FREM1: variants seen among roughly 807,000 people sequenced by gnomAD.
FREM1 encodes FRAS1-related extracellular matrix protein 1.
A neutral mutation model predicts 210.1 loss-of-function variants in FREM1; 220 were observed. That is an observed-to-expected ratio of 1.05 (90% CI 0.94 to 1.17). FREM1 has a LOEUF of 1.17. Ranked by LOEUF, FREM1 falls within the 50% of genes most tolerant of loss-of-function variation. The pLI is 0.00. For missense variants in FREM1, 3,454 were observed against 2,675.5 expected (o/e 1.29, Z -6.42); for synonymous variants, 1,189 against 980.2 (o/e 1.21, Z -3.98).
Position 14,857,448 on chromosome 9 carries a change from A to G in FREM1, c.828+105T>C, listed in dbSNP as rs1294416415. 1.0e-5 allele frequency: 10 copies of G among 995,108 alleles called. No individual in the cohort carries two copies. The East Asian group carries it at 2.1e-4, about 21-fold the overall frequency. 61.6% of individuals were successfully genotyped at this position (995,108 alleles called of 1,614,324 possible). On this transcript the variant is annotated intron_variant, in intron 5 of 36. Coordinates refer to ENST00000380880, the MANE Select transcript of FREM1 (RefSeq NM_001379081.2). The stretch of plus-strand genomic sequence containing the variant: ...AGTCGCTGGCAGTTTTACCCCCAAA[A>G]GCACAGGAACTCTCCCTGGCATGGG...
chr9:14,903,350 G>C (rs902545872), intron 1 of FREM1, among the ~76,000 whole-genome samples: 2 of 152,174 alleles, frequency 1.3e-5, no homozygotes, highest in African/African-American at 2.4e-5. Context: ...AAAGCAAAAG[G>C]CATGTGTCTA....
chr9:14,748,244 A>T (rs1232636736), intron 31 of FREM1, among the ~76,000 whole-genome samples, 157 bp downstream of exon 31: 1 of 152,240 alleles, frequency 6.6e-6, no homozygotes, highest in Non-Finnish European at 1.5e-5. Context: ...AGATCTTTGT[A>T]TACAGAAGGC....
At chr9:14,881,112 G>A (rs1047729446) in intron 1 of FREM1, among the ~76,000 whole-genome samples, 3 of 152,206 alleles carry the variant, frequency 2.0e-5, no homozygotes, top group Admixed American at 6.5e-5. Flanking sequence ...GCAGAGGCAG[G>A]CATATGTATG....
intron 2 of FREM1, among the ~76,000 whole-genome samples, chr9:14,865,790 A>G (rs1831411579): frequency 1.3e-5 from 2 of 152,166 alleles, no homozygotes; most frequent in African/African-American, 4.8e-5. Context: ...AAAACCAAGC[A>G]CAAATTCAAC....
rs113555227 is a variant in FREM1 at position 14,801,861 on chromosome 9, T to C, written c.3485A>G (p.Gln1162Arg). 3.1e-4 allele frequency: 506 copies of C among 1,612,388 alleles called. 2 individuals carry two copies. In the African/African-American group the frequency reaches 5.4e-3, roughly 17 times the overall value. The change falls in exon 20 of 37, where the codon CAG becomes CGG. Residue 1162 changes from glutamine (Q) to arginine (R), a missense_variant. Transcript: ENST00000380880. ...VVQNITVCEG[Q>R]MKELDSSIIS... The stretch of plus-strand genomic sequence containing the variant: ...GATGGAAGAGTCCAGCTCTTTCATC[T>C]GACCCTCACACACCTGAGCAAGAAC...
chr9:14,857,669 C>G lies in FREM1; in HGVS notation c.712G>C (p.Glu238Gln). The G allele has an allele frequency of 6.2e-7, 1 of 1,613,834 alleles. No homozygotes were observed. The highest frequency in any genetic ancestry group is 8.5e-7 in the Non-Finnish European group (1 of 1,179,786). The change falls in exon 5 of 37, where the codon GAG (glutamate) becomes CAG (glutamine). Residue 238 changes from glutamate to glutamine, a missense_variant. By Grantham distance (29) the Glu-to-Gln change is conservative. Coordinates refer to ENST00000380880, the MANE Select transcript of FREM1 (RefSeq NM_001379081.2). ...KKIGSLKVSC[E>Q]EFLLMGLRYQ... The stretch of plus-strand genomic sequence containing the variant: ...CGAAGGCCCATCAGCAGGAACTCCT[C>G]ACAGCTCACTTTGAGGCTTCCTATT...
chr9:14,816,874 G>A lies in FREM1; in HGVS notation c.2547-3C>T, dbSNP rs1287779911. ...CTTCAGTTCCATCATGTTGATACCT[G>A]TGGGGATAATATTTGTCACCAACCT... On this transcript the variant is annotated splice_region_variant and splice_polypyrimidine_tract_variant and intron_variant, in intron 14 of 36. Coordinates refer to ENST00000380880, the MANE Select transcript of FREM1 (RefSeq NM_001379081.2). The A allele has an allele frequency of 7.9e-7, 1 of 1,260,772 alleles. No individual in the cohort carries two copies. Among genetic ancestry groups the A allele is most frequent in the Non-Finnish European group, 1.1e-6 (1 of 924,472 alleles). 78.1% of individuals were successfully genotyped at this position (1,260,772 alleles called of 1,614,324 possible).
In FREM1 at chr9:14,742,379, C is replaced by A. The variant is rs186596879; in HGVS notation, c.6255-2145G>T. Among the ~76,000 whole-genome samples, 9 of 152,140 alleles carry A rather than the reference C, an allele frequency of 5.9e-5. No homozygotes were observed. The East Asian group carries it at 1.7e-3, about 29-fold the overall frequency. On this transcript the variant is annotated intron_variant, in intron 35 of 36. Transcript: ENST00000380880. ...ATAATGCTCTATAATAATATAATTA[C>A]CAAATGTACAATGACTGCCTGAGGA... is the stretch of plus-strand genomic sequence containing the variant.
chr9:14,805,004 G>A lies in FREM1; in HGVS notation c.3423C>T (p.Ile1141=). 3 of 1,613,686 alleles carry A rather than the reference G, an allele frequency of 1.9e-6. No individual in the cohort carries two copies. The highest frequency in any genetic ancestry group is 2.5e-6 in the Non-Finnish European group (3 of 1,179,612). ...HSLEIPFSII[I]NPTNDEAPDF... ...CAGGAGCTTCATCATTTGTGGGGTT[G>A]ATTATAATAGAAAATGGTATCTCCA... Residue 1141 remains isoleucine (I), a synonymous_variant, in exon 19 of 37, where the codon ATC becomes ATT. Coordinates refer to ENST00000380880, the MANE Select transcript of FREM1 (RefSeq NM_001379081.2).
At position 14,805,069 on chromosome 9, in the gene FREM1, G is replaced by C. The variant is rs1818108814; in HGVS notation, c.3358C>G (p.Gln1120Glu). The stretch of plus-strand genomic sequence containing the variant: ...CCATCTGTGACGTACACCGTGAACT[G>C]GTCGGCAGTTGGTTCTATCCTCAGA... Reference protein sequence around the residue: ...RHLRIEPTADQFTVYVTDGKH... With the variant: ...RHLRIEPTADEFTVYVTDGKH... Residue 1120 changes from glutamine to glutamate, a missense_variant, in exon 19 of 37, where the codon CAG (glutamine) becomes GAG (glutamate). Transcript: ENST00000380880. 1 of 1,612,694 alleles carries C rather than the reference G, an allele frequency of 6.2e-7. No individual in the cohort carries two copies. Among genetic ancestry groups the C allele is most frequent in the Admixed American group, 1.7e-5 (1 of 60,008 alleles).
At chr9:14,757,597 G>C (rs1390422200) in intron 28 of FREM1, among the ~76,000 whole-genome samples, 2 of 152,134 alleles carry the variant, frequency 1.3e-5, no homozygotes, top group Admixed American at 1.3e-4. Context: ...TGAAAAATAA[G>C]TCATCAAATG....
intron 20 of FREM1, among the ~76,000 whole-genome samples, chr9:14,801,236 G>A (rs1817229790): frequency 6.6e-6 from 1 of 152,170 alleles, no homozygotes. Flanking sequence ...GACCTCAAGT[G>A]ATCCACCTGT....
chr9:14,770,529 A>T, intron 26 of FREM1, 76 bp downstream of exon 26: 2 of 1,113,082 alleles, frequency 1.8e-6, no homozygotes, highest in Non-Finnish European at 2.7e-6. Flanking sequence ...GCCTGCACTT[A>T]ATTAAATTAC....
intron 10 of FREM1, among the ~76,000 whole-genome samples, chr9:14,840,488 C>A (rs1825481465): frequency 6.6e-6 from 1 of 152,104 alleles, no homozygotes; most frequent in African/African-American, 2.4e-5. Flanking sequence ...TGGCAGCAGG[C>A]AGAGAGAGAG....
chr9:14,793,741 G>T (rs770298697), intron 21 of FREM1, among the ~76,000 whole-genome samples: 2 of 152,210 alleles, frequency 1.3e-5, no homozygotes, highest in African/African-American at 4.8e-5. Flanking sequence ...TTGGGATTCA[G>T]ATGAAGGATA....
chr9:14,860,484 T>C (rs1204188808), intron 3 of FREM1, among the ~76,000 whole-genome samples: 4 of 151,390 alleles, frequency 2.6e-5, no homozygotes, highest in Non-Finnish European at 5.9e-5. Flanking sequence ...GCTTTTTTTC[T>C]TTTTTAAATT....
At chr9:14,861,128 C>CAT (rs201055114) in intron 3 of FREM1, among the ~76,000 whole-genome samples, 1,799 of 103,070 alleles carry the variant, frequency 0.017, 148 homozygotes, top group African/African-American at 0.086. Context: ...TACATATATA[C>CAT]ACATATATAC....
At chr9:14,751,518 G>A (rs1563832654) in intron 29 of FREM1, among the ~76,000 whole-genome samples, 1 of 152,092 alleles carries the variant, frequency 6.6e-6, no homozygotes, top group Non-Finnish European at 1.5e-5. Context: ...AAATTAGGTG[G>A]GCGTGGTGGC....
chr9:14,748,337 A>T, intron 31 of FREM1, 64 bp downstream of exon 31: 1 of 905,774 alleles, frequency 1.1e-6, no homozygotes, highest in South Asian at 1.7e-5. Flanking sequence ...AATACTTATT[A>T]ATATCTTCTG....
Sources: allele counts gnomAD v4.1 joint callset (sites outside exome capture counted in the v4.1 genomes callset), GRCh38; gene constraint gnomAD v4.1.1; transcripts MANE v1.5; gene names NCBI Gene and HGNC (gene_info 2026-07-23, HGNC 2026-07-21).